The following CADPS2 variants were observed in gnomAD, a reference collection of about 807,000 sequenced individuals.
CADPS2 encodes the protein calcium-dependent secretion activator 2.
Under a neutral mutation model 172.5 loss-of-function variants are expected in CADPS2, and 93 were observed. That is an observed-to-expected ratio of 0.54 (90% CI 0.46 to 0.64). The LOEUF is 0.64. CADPS2 is among the 30% of genes least tolerant of loss of function. The probability of loss-of-function intolerance (pLI) is 0.00; values close to 1 mark genes in which losing one functional copy is unlikely to be tolerated. For missense variants in CADPS2, 1,420 were observed against 1,565.9 expected, an observed-to-expected ratio of 0.91 and a Z score of 1.57; for synonymous variants, 546 against 555.2, an observed-to-expected ratio of 0.98 and a Z score of 0.23.
intron 28 of CADPS2, chr7:122,331,111 G>T (rs754022123): frequency 5.3e-5 from 8 of 151,574 alleles, no homozygotes; most frequent in Non-Finnish European, 1.0e-4. Context: ...TATTCTTCCA[G>T]AATAAAGAAA....
chr7:122,466,089 G>T (rs543699171), intron 14 of CADPS2, among the ~76,000 whole-genome samples: 147 of 152,130 alleles, frequency 9.7e-4, no homozygotes, highest in Non-Finnish European at 1.9e-3. Flanking sequence ...CGAGAAGAAG[G>T]CTCTAAAGGT....
chr7:122,610,643 T>C (rs1231076199), intron 6 of CADPS2, among the ~76,000 whole-genome samples: 2 of 152,066 alleles, frequency 1.3e-5, no homozygotes, highest in East Asian at 1.9e-4. Flanking sequence ...CACAAATGTA[T>C]AAATTTACTA....
chr7:122,648,370 T>C (rs2078780607), intron 3 of CADPS2, among the ~76,000 whole-genome samples: 2 of 152,092 alleles, frequency 1.3e-5, no homozygotes, highest in South Asian at 4.1e-4. Context: ...TTAAACAGAT[T>C]AAAATTCCAG....
intron 2 of CADPS2, among the ~76,000 whole-genome samples, chr7:122,696,781 G>T (rs948071084): frequency 1.3e-5 from 2 of 151,950 alleles, no homozygotes; most frequent in African/African-American, 4.8e-5. Flanking sequence ...CTGTTATTTT[G>T]TATAATTGGG....
At chr7:122,364,153 G>C (rs1440563243) in intron 25 of CADPS2, among the ~76,000 whole-genome samples, 3 of 152,050 alleles carry the variant, frequency 2.0e-5, no homozygotes, top group Non-Finnish European at 4.4e-5. Context: ...GCTCACACTT[G>C]TAATCCCAGC....
chr7:122,628,174 C>G (rs1563899908), intron 4 of CADPS2, among the ~76,000 whole-genome samples: 1 of 152,034 alleles, frequency 6.6e-6, no homozygotes, highest in African/African-American at 2.4e-5. Flanking sequence ...TTATTTATTT[C>G]TAATTTCTCA....
intron 20 of CADPS2, 22 bp from the exon 21 acceptor site, chr7:122,393,604 A>C (rs1411749238): frequency 1.2e-6 from 2 of 1,613,326 alleles, no homozygotes; most frequent in Non-Finnish European, 1.7e-6. Context: ...AAGCAGAAAC[A>C]GTGTTTGTCA....
At chr7:122,821,226 G>C (rs556599384) in intron 1 of CADPS2, among the ~76,000 whole-genome samples, 32 of 152,112 alleles carry the variant, frequency 2.1e-4, no homozygotes, top group African/African-American at 7.7e-4. Context: ...GATCATGCTT[G>C]ATTTATTGAT....
intron 8 of CADPS2, among the ~76,000 whole-genome samples, chr7:122,552,518 T>G (rs1563679734): frequency 6.6e-6 from 1 of 152,062 alleles, no homozygotes; most frequent in East Asian, 1.9e-4. Flanking sequence ...CAAAGAGATG[T>G]GATAAAAACA....
At chr7:122,502,654 A>G (rs2059300083) in intron 9 of CADPS2, among the ~76,000 whole-genome samples, 1 of 152,098 alleles carries the variant, frequency 6.6e-6, no homozygotes, top group South Asian at 2.1e-4. Context: ...ATATTTCTAT[A>G]ACCTATCTCA....
intron 6 of CADPS2, among the ~76,000 whole-genome samples, chr7:122,585,323 G>A (rs1223640907): frequency 1.3e-5 from 2 of 151,568 alleles, no homozygotes; most frequent in South Asian, 2.1e-4. Flanking sequence ...AACATTCCAC[G>A]ATACAGGCAT....
At chr7:122,653,854 T>C (rs2079446687) in intron 3 of CADPS2, among the ~76,000 whole-genome samples, 1 of 152,150 alleles carries the variant, frequency 6.6e-6, no homozygotes, top group Non-Finnish European at 1.5e-5. Flanking sequence ...AAATGTTATG[T>C]GTGTTCTGAC....
intron 6 of CADPS2, among the ~76,000 whole-genome samples, chr7:122,602,512 G>T (rs1452771040): frequency 6.6e-6 from 1 of 152,038 alleles, no homozygotes; most frequent in Non-Finnish European, 1.5e-5. Flanking sequence ...AAAAGAGAGG[G>T]TTCTGAGATC....
At chr7:122,368,368 T>A (rs2041259647) in intron 25 of CADPS2, among the ~76,000 whole-genome samples, 1 of 152,162 alleles carries the variant, frequency 6.6e-6, no homozygotes, top group African/African-American at 2.4e-5. Context: ...AAGCTATCAC[T>A]CTTTCCCTCC....
At chr7:122,413,735 C>T (rs1198825392) in intron 19 of CADPS2, among the ~76,000 whole-genome samples, 7 of 152,232 alleles carry the variant, frequency 4.6e-5, no homozygotes, top group Middle Eastern at 3.4e-3. Context: ...CAATTCACTC[C>T]CCAATATTGT....
intron 2 of CADPS2, among the ~76,000 whole-genome samples, chr7:122,722,889 G>A (rs1412296110): frequency 4.0e-5 from 6 of 151,616 alleles, no homozygotes; most frequent in East Asian, 1.9e-4. Flanking sequence ...ATCTACAACA[G>A]TCTGATCTTT....
intron 2 of CADPS2, among the ~76,000 whole-genome samples, chr7:122,668,312 T>C (rs527247392): frequency 1.5e-4 from 22 of 151,544 alleles, no homozygotes; most frequent in Admixed American, 1.2e-3. Context: ...AGCCCATGTG[T>C]GTGCATTTGT....
chr7:122,524,019 C>A (rs949654942), intron 8 of CADPS2, among the ~76,000 whole-genome samples: 1 of 152,030 alleles, frequency 6.6e-6, no homozygotes, highest in Admixed American at 6.6e-5. Context: ...CATCTCTTGG[C>A]AAAAAGTCTC....
intron 14 of CADPS2, among the ~76,000 whole-genome samples, chr7:122,459,340 T>C (rs2054173590): frequency 6.6e-6 from 1 of 152,074 alleles, no homozygotes; most frequent in African/African-American, 2.4e-5. Flanking sequence ...TTATACTATA[T>C]ATGTTTAACC....
Sources: allele counts gnomAD v4.1 joint callset (sites outside exome capture counted in the v4.1 genomes callset), GRCh38; gene constraint gnomAD v4.1.1; transcripts MANE v1.5; gene names NCBI Gene and HGNC (gene_info 2026-07-23, HGNC 2026-07-21).